Variants in SPATA13 observed in about 807,000 individuals in gnomAD.
SPATA13 encodes the protein spermatogenesis associated 13, also known as spermatogenesis-associated protein 13.
A neutral mutation model predicts 104.0 loss-of-function variants in SPATA13; 50 were observed. That is an observed-to-expected ratio of 0.48 (90% CI 0.38 to 0.61). The LOEUF is 0.61. SPATA13 is among the 20% of genes least tolerant of loss of function. The probability of loss-of-function intolerance (pLI) is 0.00; values close to 1 mark genes in which losing one functional copy is unlikely to be tolerated. For missense variants in SPATA13, 1,524 were observed against 1,690.6 expected (o/e 0.90, Z 1.73); for synonymous variants, 606 against 667.5 (o/e 0.91, Z 1.42).
At chr13:24,138,016 C>T (rs1428528244) in intron 3 of SPATA13, among the ~76,000 whole-genome samples, 1 of 151,990 alleles carries the variant, frequency 6.6e-6, no homozygotes, top group Non-Finnish European at 1.5e-5. Flanking sequence ...AAAAGTTTTA[C>T]TGGGCCAGGC....
At chr13:24,068,525 C>T (rs973243568) in intron 3 of SPATA13, among the ~76,000 whole-genome samples, 2 of 152,174 alleles carry the variant, frequency 1.3e-5, no homozygotes, top group Non-Finnish European at 2.9e-5. Context: ...AATGATATTT[C>T]TGTCATTAGG....
chr13:24,236,991 AGTGTCT>A (rs1291841238), intron 2 of SPATA13, among the ~76,000 whole-genome samples: 2 of 152,220 alleles, frequency 1.3e-5, no homozygotes, highest in Non-Finnish European at 2.9e-5. Flanking sequence ...AAACAACCCA[AGTGTCT>A]GTTGATGGAC....
chr13:24,199,245 C>T (rs554547393), intron 1 of SPATA13, among the ~76,000 whole-genome samples: 3 of 152,250 alleles, frequency 2.0e-5, no homozygotes, highest in Non-Finnish European at 4.4e-5. Flanking sequence ...CCAGCACCCA[C>T]GCCAGCTGCA....
intron 2 of SPATA13, among the ~76,000 whole-genome samples, chr13:23,987,346 A>C (rs1405248075): frequency 7.9e-5 from 12 of 152,066 alleles, no homozygotes. Context: ...TTACATTTTC[A>C]GTGGATAAAA....
intron 4 of SPATA13, chr13:24,252,918 G>A (rs542000459): frequency 3.3e-5 from 5 of 152,206 alleles, no homozygotes; most frequent in Non-Finnish European, 7.3e-5. Context: ...GAGCTAGTGA[G>A]GTATCCAGTG....
chr13:24,303,274 G>C lies in SPATA13; in HGVS notation c.*501G>C, dbSNP rs769681687. On this transcript the variant is annotated 3_prime_UTR_variant, in exon 13 of 13. Coordinates refer to ENST00000382108, the MANE Select transcript of SPATA13 (RefSeq NM_001166271.3). ...AGAAATTGAGCTCTTACTCTCTTCT[G>C]TAATACTGGGGGACCTACAGCTGCC... The C allele has an allele frequency of 4.4e-5, 18 of 410,122 alleles. No individual in the cohort carries two copies. Among genetic ancestry groups the C allele is most frequent in the South Asian group, 3.2e-4 (18 of 56,404 alleles). The allele number at this position is 410,122 out of a possible 1,614,324, so 25.4% of individuals were successfully genotyped here.
chr13:24,002,478 G>A (rs1876024441), intron 2 of SPATA13, among the ~76,000 whole-genome samples: 2 of 152,162 alleles, frequency 1.3e-5, no homozygotes, highest in Admixed American at 6.5e-5. Context: ...TAGAGGAGCT[G>A]GTGGTGGTTG....
chr13:24,060,900 A>G (rs71429871), intron 3 of SPATA13, among the ~76,000 whole-genome samples: 12,101 of 152,254 alleles, frequency 0.079, 572 homozygotes, highest in Admixed American at 0.1. Flanking sequence ...TTAGCTGGGC[A>G]TGCTAGTGCA....
At chr13:24,024,098 G>A (rs993912816) in intron 3 of SPATA13, among the ~76,000 whole-genome samples, 6 of 152,148 alleles carry the variant, frequency 3.9e-5, no homozygotes, top group African/African-American at 1.4e-4. Context: ...GTCATGTGCT[G>A]CGGAGGTCAG....
intron 4 of SPATA13, among the ~76,000 whole-genome samples, chr13:24,265,603 T>G (rs1874262676): frequency 6.6e-6 from 1 of 152,260 alleles, no homozygotes; most frequent in Admixed American, 6.5e-5. Flanking sequence ...GTGTAGTCAT[T>G]GTCCATATGG....
chr13:24,002,626 G>T (rs988476199), intron 2 of SPATA13, among the ~76,000 whole-genome samples: 1 of 152,112 alleles, frequency 6.6e-6, no homozygotes. Context: ...GGAGCTTCAC[G>T]AATTCACCAG....
intron 3 of SPATA13, among the ~76,000 whole-genome samples, chr13:24,047,392 C>T (rs886924180): frequency 1.3e-5 from 2 of 152,192 alleles, no homozygotes. Flanking sequence ...CTCCCAAAAT[C>T]CTAATCTTGT....
upstream of SPATA13, among the ~76,000 whole-genome samples, chr13:24,157,457 C>T (rs1882294143): frequency 6.6e-6 from 1 of 152,136 alleles, no homozygotes. Flanking sequence ...CGCCACCACG[C>T]CCGGCTAATT....
At chr13:24,217,779 G>A (rs995551654) in intron 1 of SPATA13, among the ~76,000 whole-genome samples, 12 of 152,120 alleles carry the variant, frequency 7.9e-5, no homozygotes, top group Admixed American at 7.2e-4. Context: ...ACAGGACCTC[G>A]GACCTGGGAG....
At chr13:24,160,487 G>T (rs1159773380), upstream of SPATA13, among the ~76,000 whole-genome samples, 2 of 152,090 alleles carry the variant, frequency 1.3e-5, no homozygotes, top group African/African-American at 4.8e-5. Context: ...CAGGTGATCC[G>T]CCCACCTCGG....
chr13:24,290,275 C>T (rs554003501), intron 8 of SPATA13, among the ~76,000 whole-genome samples: 2 of 152,234 alleles, frequency 1.3e-5, no homozygotes, highest in African/African-American at 2.4e-5. Flanking sequence ...GAATAAGCAA[C>T]GATTAAAACT....
At chr13:24,055,800 A>G (rs1016027511) in intron 3 of SPATA13, among the ~76,000 whole-genome samples, 9 of 152,212 alleles carry the variant, frequency 5.9e-5, no homozygotes, top group African/African-American at 2.2e-4. Context: ...TGGATGTCCT[A>G]ATTCTAAGCC....
chr13:24,210,577 A>T (rs1870956864), intron 1 of SPATA13, among the ~76,000 whole-genome samples: 1 of 151,828 alleles, frequency 6.6e-6, no homozygotes, highest in Admixed American at 6.6e-5. Context: ...GCATGGGTTT[A>T]TTTCTGGGCT....
At chr13:24,124,902 C>T (rs918026837) in intron 3 of SPATA13, among the ~76,000 whole-genome samples, 13 of 152,108 alleles carry the variant, frequency 8.5e-5, no homozygotes, top group Admixed American at 7.9e-4. Flanking sequence ...TCACAGCCTG[C>T]CTGCCTGCCT....
Sources: gnomAD v4.1 joint callset for allele counts (sites outside exome capture counted in the v4.1 genomes callset) on GRCh38, gnomAD v4.1.1 for gene constraint, MANE v1.5 for transcripts, NCBI Gene and HGNC (gene_info 2026-07-23, HGNC 2026-07-21) for gene names.